ACHE: variants seen among roughly 807,000 people sequenced by gnomAD.
The protein encoded by ACHE is acetylcholinesterase (Yt blood group), also known as acetylcholinesterase.
In ACHE, 19 loss-of-function variants were observed where a neutral mutation model predicts 53.9. The ratio of observed to expected loss-of-function variants is 0.35; its 90% CI spans 0.25 to 0.52. The LOEUF (loss-of-function observed/expected upper bound fraction) is 0.52, where lower values mean the gene tolerates loss of function less well. Ranked by LOEUF, ACHE falls within the 20% of genes least tolerant of loss-of-function variation. The pLI is 0.95. For missense variants in ACHE, 605 were observed against 849.4 expected, an observed-to-expected ratio of 0.71 and a Z score of 3.58; for synonymous variants, 392 against 378.1, an observed-to-expected ratio of 1.04 and a Z score of -0.43.
At position 100,892,192 on chromosome 7, in the gene ACHE, A is replaced by C; in HGVS notation, c.1553+142T>G. 1.9e-6 allele frequency: 2 copies of C among 1,067,444 alleles called. No homozygotes were observed. The highest frequency in any genetic ancestry group is 6.9e-5 in the South Asian group (2 of 28,858). 66.1% of individuals were successfully genotyped at this position (1,067,444 alleles called of 1,614,324 possible). ...TTTCTTTTTCTCTCCCCTTTTATCTACTTTGTGAGCATATCCCTCTCTGGC... is the reference window on the plus strand; with the variant it reads ...TTTCTTTTTCTCTCCCCTTTTATCTCCTTTGTGAGCATATCCCTCTCTGGC... On this transcript the variant is annotated intron_variant, in intron 3 of 4. Transcript: ENST00000241069. The surrounding 1 kb of genome is among the most constrained non-coding windows in gnomAD (Gnocchi z 5.2).
chr7:100,894,284 G>T, intron 1 of ACHE, 32 bp from the exon 2 acceptor site: 1 of 1,390,094 alleles, frequency 7.2e-7, no homozygotes, highest in Non-Finnish European at 9.4e-7. Context: ...AAGGGTGAAG[G>T]GTCGGTCGAG....
At position 100,893,242 on chromosome 7, in the gene ACHE, C is replaced by T. The variant is rs1336969148; in HGVS notation, c.991G>A (p.Val331Met). 3.1e-6 allele frequency: 5 copies of T among 1,614,084 alleles called. No individual in the cohort carries two copies. Among genetic ancestry groups the T allele is most frequent in the Non-Finnish European group, 3.4e-6 (4 of 1,180,028 alleles). The part of the protein sequence containing the change: ...PQESVFRFSF[V>M]PVVDGDFLSD... ...AGGAAGTCTCCATCTACCACAGGCA[C>T]GAAGGAGAACCGGAAGACGCTTTCT... The change falls in exon 2 of 5, where the codon GTG becomes ATG. Residue 331 changes from valine to methionine, a missense_variant. Physicochemically the swap from Val to Met is conservative, Grantham distance 21 (BLOSUM62 1). Transcript: ENST00000241069.
Position 100,895,865 on chromosome 7 carries a change from G to C in ACHE, c.-84C>G, listed in dbSNP as rs951371296. 2 of 152,034 alleles carry C rather than the reference G, an allele frequency of 1.3e-5. No individual in the cohort carries two copies. The highest frequency in any genetic ancestry group is 2.4e-5 in the African/African-American group (1 of 41,392). 9.4% of individuals were successfully genotyped at this position (152,034 alleles called of 1,614,324 possible). ...GAGCTGGAGGCGGCCGATGTTCCCCGGCGCAGGCTGAGCCGACTCTGACAG... is the reference window on the plus strand; with the variant it reads ...GAGCTGGAGGCGGCCGATGTTCCCCCGCGCAGGCTGAGCCGACTCTGACAG... On this transcript the variant is annotated 5_prime_UTR_variant, in exon 1 of 5. Coordinates refer to ENST00000241069, the MANE Select transcript of ACHE (RefSeq NM_000665.5).
In ACHE at chr7:100,891,315, G is replaced by A; in HGVS notation, c.1577C>T (p.Pro526Leu). ...GTACGGGGGCCATTGTGGGGCCTTG[G>A]GGTCTCGGGGCTCATTGGGATCCCT... The part of the protein sequence containing the change: ...RTGDPNEPRD[P>L]KAPQWPPYTA... The change falls in exon 4 of 5, where the codon CCC (proline) becomes CTC (leucine). Residue 526 changes from proline (P) to leucine (L), a missense_variant. By Grantham distance (98) the Pro-to-Leu change is moderately conservative (BLOSUM62 -3). This residue lies in a region of ACHE where 91 missense variants were observed against 83.2 expected (regional missense o/e 1.09). Transcript: ENST00000241069. 1 of 1,575,096 alleles carries A rather than the reference G, an allele frequency of 6.3e-7. No homozygotes were observed. Among genetic ancestry groups the A allele is most frequent in the Non-Finnish European group, 8.6e-7 (1 of 1,162,450 alleles).
In ACHE at chr7:100,890,118, T is replaced by G. The variant is rs2115956829; in HGVS notation, c.*96A>C. The G allele has an allele frequency of 6.7e-7, 1 of 1,482,938 alleles. No individual in the cohort carries two copies. Among genetic ancestry groups the G allele is most frequent in the South Asian group, 1.3e-5 (1 of 77,950 alleles). 91.9% of individuals were successfully genotyped at this position (1,482,938 alleles called of 1,614,324 possible). On this transcript the variant is annotated 3_prime_UTR_variant, in exon 5 of 5. Coordinates refer to ENST00000241069, the MANE Select transcript of ACHE (RefSeq NM_000665.5). The stretch of plus-strand genomic sequence containing the variant: ...CGGGGTGGGGTGGGGATGGGCAGAG[T>G]CTGGGGCTCGTCTGTGTTATAGCCC...
chr7:100,890,927 G>T, intron 4 of ACHE: 3 of 1,473,080 alleles, frequency 2.0e-6, no homozygotes, highest in Non-Finnish European at 2.7e-6. Context: ...TAGAGGAGGG[G>T]CCCCTGTGGC....
intron 3 of ACHE, among the ~76,000 whole-genome samples, chr7:100,891,928 G>A (rs550960453): frequency 1.3e-5 from 2 of 151,726 alleles, no homozygotes; most frequent in African/African-American, 4.8e-5. Flanking sequence ...CTAGAGGCAC[G>A]AGCCACCGTG....
intron 4 of ACHE, chr7:100,890,571 A>C: frequency 7.2e-7 from 1 of 1,380,628 alleles, no homozygotes; most frequent in Non-Finnish European, 9.4e-7. Flanking sequence ...GGAGGAGAAA[A>C]GAATGACCGG....
In ACHE at chr7:100,891,250, G is replaced by T. The variant is rs761521455; in HGVS notation, c.1642C>A (p.Pro548Thr). The T allele has an allele frequency of 2.5e-6, 4 of 1,611,314 alleles. No homozygotes were observed. The highest frequency in any genetic ancestry group is 3.4e-6 in the Non-Finnish European group (4 of 1,179,712). The change falls in exon 4 of 5, where the codon CCG becomes ACG. Residue 548 changes from proline to threonine, a missense_variant. Transcript: ENST00000241069. ...CGCAGCCCCCGCCGCACCTCCAGCGGCCGCAGGTCCAGACTAACGTACTGC... is the reference window on the plus strand; with the variant it reads ...CGCAGCCCCCGCCGCACCTCCAGCGTCCGCAGGTCCAGACTAACGTACTGC... Reference protein sequence around the residue: ...AQQYVSLDLRPLEVRRGLRAQ... With the variant: ...AQQYVSLDLRTLEVRRGLRAQ...
intron 4 of ACHE, 151 bp from the exon 5 acceptor site, chr7:100,890,486 C>T (rs1054256028): frequency 1.4e-5 from 21 of 1,452,770 alleles, no homozygotes; most frequent in South Asian, 2.8e-5. Flanking sequence ...GCAAGAGGAT[C>T]AGGAGAATGT....
At chr7:100,894,508 C>A (rs1790922996) in intron 1 of ACHE, 1 of 334,290 alleles carries the variant, frequency 3.0e-6, no homozygotes, top group African/African-American at 2.1e-5. Flanking sequence ...AGCACCCTCT[C>A]TGCTCCGCAG....
At chr7:100,890,700 CA>C in intron 4 of ACHE, 2 of 1,325,538 alleles carry the variant, frequency 1.5e-6, no homozygotes, top group Non-Finnish European at 1.9e-6. Flanking sequence ...CACTTCCCCC[CA>C]ATGTCAGGCT....
At position 100,892,481 on chromosome 7, in the gene ACHE, G is replaced by T; in HGVS notation, c.1406C>A (p.Ser469Tyr). 6.3e-7 allele frequency: 1 copy of T among 1,585,304 alleles called. No homozygotes were observed. The highest frequency in any genetic ancestry group is 8.6e-7 in the Non-Finnish European group (1 of 1,159,224). Residue 469 changes from serine (S) to tyrosine (Y), a missense_variant, in exon 3 of 5, where the codon TCC becomes TAC. Ser to Tyr is a moderately radical substitution (Grantham distance 144). Around this residue, in one of 4 missense-constraint regions of ACHE, gnomAD observed 397 missense variants for 632.5 expected, o/e 0.63. Coordinates refer to ENST00000241069, the MANE Select transcript of ACHE (RefSeq NM_000665.5). This position sits in a 1 kb window ranked among gnomAD's most constrained non-coding sequence, Gnocchi z 5.2. Reference protein sequence around the residue: ...YVFEHRASTLSWPLWMGVPHG... With the variant: ...YVFEHRASTLYWPLWMGVPHG... ...GGGCACCCCCATCCACAGGGGCCAG[G>T]AGAGCGTGGAAGCACGGTGTTCAAA...
chr7:100,891,391 C>A, intron 3 of ACHE, 53 bp from the exon 4 acceptor site: 2 of 1,475,316 alleles, frequency 1.4e-6, no homozygotes, highest in Non-Finnish European at 1.8e-6. Context: ...GGAGGTGGCC[C>A]CCAACTCCAC....
intron 3 of ACHE, among the ~76,000 whole-genome samples, chr7:100,891,866 A>G (rs1011659690): frequency 5.0e-5 from 7 of 141,098 alleles, no homozygotes; most frequent in African/African-American, 1.8e-4. Flanking sequence ...CTGCAGCCTC[A>G]ACCTCCCAGG....
In ACHE at chr7:100,892,926, C is replaced by G; in HGVS notation, c.1069-108G>C. Reference sequence around the variant, plus strand: ...CCAGAGAGATGAACAGTTACAGACCCGGAACCATGGACAGAGAGAGGACGA... The same window carrying G: ...CCAGAGAGATGAACAGTTACAGACCGGGAACCATGGACAGAGAGAGGACGA... On this transcript the variant is annotated intron_variant, in intron 2 of 4. Transcript: ENST00000241069. This position sits in a 1 kb window ranked among gnomAD's most constrained non-coding sequence, Gnocchi z 5.2. The G allele has an allele frequency of 1.5e-6, 2 of 1,378,264 alleles. No homozygotes were observed. Among genetic ancestry groups the G allele is most frequent in the South Asian group, 2.9e-5 (2 of 68,600 alleles). The allele number at this position is 1,378,264 out of a possible 1,614,324, so 85.4% of individuals were successfully genotyped here.
chr7:100,890,980 A>T, intron 4 of ACHE, 189 bp downstream of exon 4: 3 of 1,458,868 alleles, frequency 2.1e-6, no homozygotes, highest in Non-Finnish European at 1.8e-6. Context: ...GAGGTGGGAG[A>T]GGAAGAGGAG....
chr7:100,891,470 C>T, intron 3 of ACHE, 132 bp from the exon 4 acceptor site: 2 of 882,368 alleles, frequency 2.3e-6, no homozygotes, highest in Non-Finnish European at 3.2e-6. Flanking sequence ...ACCACTTTCT[C>T]CAATGTGCGC....
rs764412723 is a variant in ACHE at position 100,893,442 on chromosome 7, T to C, written c.791A>G (p.Asn264Ser). ...CATGCCCACCGTGGCCCAGGGTCCA[T>C]TGGGGGCACCGCTCTGCAGCACGGC... Reference protein sequence around the residue: ...HRAVLQSGAPNGPWATVGMGE... With the variant: ...HRAVLQSGAPSGPWATVGMGE... Residue 264 changes from asparagine to serine, a missense_variant, in exon 2 of 5, where the codon AAT becomes AGT. Asn to Ser is a conservative substitution (Grantham distance 46). Transcript: ENST00000241069. 27 of 1,608,572 alleles carry C rather than the reference T, an allele frequency of 1.7e-5. No homozygotes were observed. The highest frequency in any genetic ancestry group is 2.7e-5 in the African/African-American group (2 of 74,906).
Sources: allele counts gnomAD v4.1 joint callset (sites outside exome capture counted in the v4.1 genomes callset), GRCh38; gene constraint gnomAD v4.1.1; regional missense constraint gnomAD v4.1.1; non-coding constraint Gnocchi (gnomAD v3.1); transcripts MANE v1.5; gene names NCBI Gene and HGNC (gene_info 2026-07-23, HGNC 2026-07-21).